VPS54: variants seen among roughly 807,000 people sequenced by gnomAD.
VPS54 encodes VPS54 subunit of GARP complex, also known as vacuolar protein sorting-associated protein 54.
In VPS54, 45 loss-of-function variants were observed where a neutral mutation model predicts 121.5. That is an observed-to-expected ratio of 0.37 (90% CI 0.29 to 0.47). The LOEUF (loss-of-function observed/expected upper bound fraction) is 0.47. Ranked by LOEUF, VPS54 falls within the 20% of genes least tolerant of loss-of-function variation. The pLI, the probability that VPS54 is intolerant of heterozygous loss-of-function variation, is 0.99. For missense variants in VPS54, 1,090 were observed against 1,131.4 expected (o/e 0.96, Z 0.52); for synonymous variants, 371 against 385.8 (o/e 0.96, Z 0.45).
chr2:63,920,065 AAAGG>A lies in VPS54; in HGVS notation c.2052-74_2052-71del, dbSNP rs1277907351. On this transcript the variant is annotated intron_variant, in intron 14 of 22. Coordinates refer to ENST00000272322, the MANE Select transcript of VPS54 (RefSeq NM_016516.3). The stretch of plus-strand genomic sequence containing the variant: ...ATACCATCTTCCTTGGTTTAAAAGA[AAAGG>A]AAGAAGAGCTGAGTGAGAACATAAG... 6 of 1,342,762 alleles carry A rather than the reference AAAGG, an allele frequency of 4.5e-6. No homozygotes were observed. The African/African-American group carries it at 7.4e-5, about 16-fold the overall frequency. 83.2% of individuals were successfully genotyped at this position (1,342,762 alleles called of 1,614,324 possible).
At chr2:64,014,977 A>G (rs1678610711) in intron 1 of VPS54, among the ~76,000 whole-genome samples, 2 of 152,198 alleles carry the variant, frequency 1.3e-5, no homozygotes, top group African/African-American at 4.8e-5. Context: ...AAGATTCATT[A>G]TAAGCTTGGA....
chr2:63,973,838 A>G (rs941120077), intron 3 of VPS54, among the ~76,000 whole-genome samples: 1 of 152,148 alleles, frequency 6.6e-6, no homozygotes, highest in Non-Finnish European at 1.5e-5. Context: ...AAGCCACCAC[A>G]CCTGACCACC....
At chr2:63,979,210 C>T (rs995021962) in intron 3 of VPS54, among the ~76,000 whole-genome samples, 5 of 149,088 alleles carry the variant, frequency 3.4e-5, no homozygotes, top group South Asian at 2.1e-4. Context: ...CTAATTTTGA[C>T]TTTGATGTTT....
intron 1 of VPS54, among the ~76,000 whole-genome samples, chr2:63,986,412 C>T (rs1263230404): frequency 6.6e-6 from 1 of 152,176 alleles, no homozygotes; most frequent in African/African-American, 2.4e-5. Flanking sequence ...ACCTCCACTT[C>T]CATCCATCTG....
chr2:63,984,102 G>T, intron 1 of VPS54, 83 bp from the exon 2 acceptor site: 1 of 1,280,564 alleles, frequency 7.8e-7, no homozygotes, highest in Non-Finnish European at 1.0e-6. Context: ...TCTTTCAAAA[G>T]CAAAAGAATT....
At chr2:64,001,895 A>C (rs1042797481) in intron 1 of VPS54, among the ~76,000 whole-genome samples, 1 of 152,062 alleles carries the variant, frequency 6.6e-6, no homozygotes, top group Non-Finnish European at 1.5e-5. Context: ...ATGTGCCCCT[A>C]ATTCCACTGG....
intron 9 of VPS54, among the ~76,000 whole-genome samples, chr2:63,945,217 A>C (rs144552312): frequency 8.4e-4 from 128 of 152,360 alleles, no homozygotes; most frequent in African/African-American, 2.9e-3. Context: ...CATAAAAAAA[A>C]CAATGAGGTT....
chr2:63,927,356 T>C (rs1462949443), intron 12 of VPS54, among the ~76,000 whole-genome samples: 1 of 152,182 alleles, frequency 6.6e-6, no homozygotes, highest in Non-Finnish European at 1.5e-5. Context: ...CTGCTGGTGA[T>C]ACCCAGACAA....
At chr2:63,996,720 G>C (rs1021197736) in intron 1 of VPS54, among the ~76,000 whole-genome samples, 2 of 152,188 alleles carry the variant, frequency 1.3e-5, no homozygotes, top group Non-Finnish European at 2.9e-5. Flanking sequence ...CGCTCTGGGA[G>C]TGTCTGCCTT....
chr2:63,912,792 C>A, intron 18 of VPS54, 131 bp from the exon 19 acceptor site: 7 of 1,144,594 alleles, frequency 6.1e-6, no homozygotes, highest in Non-Finnish European at 8.4e-6. Context: ...AAACGAAGAG[C>A]CCTATGGCAG....
chr2:63,980,096 A>G (rs1408659041), intron 3 of VPS54, among the ~76,000 whole-genome samples: 1 of 152,186 alleles, frequency 6.6e-6, no homozygotes, highest in Non-Finnish European at 1.5e-5. Context: ...CTTTGCCATA[A>G]AATTCTCAGC....
At chr2:63,970,771 G>A (rs1299401426) in intron 4 of VPS54, among the ~76,000 whole-genome samples, 1 of 152,058 alleles carries the variant, frequency 6.6e-6, no homozygotes, top group Non-Finnish European at 1.5e-5. Flanking sequence ...CTCATCTTCT[G>A]TCTGCCCCTT....
chr2:63,976,412 A>G (rs1676533729), intron 3 of VPS54, among the ~76,000 whole-genome samples: 2 of 151,538 alleles, frequency 1.3e-5, no homozygotes, highest in Non-Finnish European at 2.9e-5. Context: ...CTTTCCTTAT[A>G]ATGCTTTTGT....
intron 18 of VPS54, among the ~76,000 whole-genome samples, chr2:63,912,934 T>C (rs1253376320): frequency 1.3e-5 from 2 of 152,172 alleles, no homozygotes; most frequent in Non-Finnish European, 2.9e-5. Flanking sequence ...TCTTATGACA[T>C]TCAGATAGCT....
At chr2:63,938,042 G>T (rs533600076) in intron 11 of VPS54, among the ~76,000 whole-genome samples, 1 of 127,042 alleles carries the variant, frequency 7.9e-6, no homozygotes, top group Admixed American at 8.2e-5. Flanking sequence ...GGAAACGTGT[G>T]TGTGTGTGGT....
chr2:63,974,131 G>C lies in VPS54; in HGVS notation c.379-1887C>G, dbSNP rs79878330. On this transcript the variant is annotated intron_variant, in intron 3 of 22. Coordinates refer to ENST00000272322, the MANE Select transcript of VPS54 (RefSeq NM_016516.3). ...AACTTTGAGCTAATTTCCATGAATA[G>C]TGCAAGGTGGTATGTCTATATTCTT... is the stretch of plus-strand genomic sequence containing the variant. Among the ~76,000 whole-genome samples the C allele has an allele frequency of 7.9e-3, 1,206 of 152,272 alleles. 60 individuals are homozygous for C. In the East Asian group the frequency reaches 0.14, roughly 18 times the overall value.
intron 3 of VPS54, among the ~76,000 whole-genome samples, chr2:63,975,894 C>A (rs978563103): frequency 2.0e-5 from 3 of 152,120 alleles, no homozygotes; most frequent in Admixed American, 6.5e-5. Context: ...TACAGGCATG[C>A]GCCACCATGC....
At chr2:63,978,211 G>A (rs1028444452) in intron 3 of VPS54, among the ~76,000 whole-genome samples, 5 of 152,222 alleles carry the variant, frequency 3.3e-5, no homozygotes, top group Non-Finnish European at 5.9e-5. Flanking sequence ...TTACATGACA[G>A]ATCAGAAGTA....
In VPS54 at chr2:63,945,399, G is replaced by T. The variant is rs190111834; in HGVS notation, c.1246-744C>A. ...ACGGTGGAGACTATTGGAGAGTGGA[G>T]GGTGGGAGGAGAGAAATGACCAGAA... is the stretch of plus-strand genomic sequence containing the variant. On this transcript the variant is annotated intron_variant, in intron 9 of 22. Coordinates refer to ENST00000272322, the MANE Select transcript of VPS54 (RefSeq NM_016516.3). Among the ~76,000 whole-genome samples the T allele has an allele frequency of 1.0e-3, 159 of 152,290 alleles. 1 individual carries two copies. Among genetic ancestry groups the T allele is most frequent in the Middle Eastern group, 3.4e-3 (1 of 294 alleles).
Sources: gnomAD v4.1 joint callset for allele counts (sites outside exome capture counted in the v4.1 genomes callset) on GRCh38, gnomAD v4.1.1 for gene constraint, MANE v1.5 for transcripts, NCBI Gene and HGNC (gene_info 2026-07-23, HGNC 2026-07-21) for gene names.